Variants in CRACD observed in about 807,000 individuals in gnomAD.
CRACD encodes the protein capping protein inhibiting regulator of actin dynamics.
In CRACD, 56 loss-of-function variants were observed where a neutral mutation model predicts 106.8. The ratio of observed to expected loss-of-function variants is 0.52; its 90% CI spans 0.42 to 0.66. The LOEUF is 0.66. Among genes scored for constraint, CRACD ranks in the 30% least tolerant of loss-of-function variants. The pLI, the probability that CRACD is intolerant of heterozygous loss-of-function variation, is 0.00. For synonymous variants in CRACD, 754 were observed against 670.8 expected (o/e 1.12, Z -1.92); for missense variants, 1,730 against 1,623.2 (o/e 1.07, Z -1.13).
chr4:56,143,807 T>G (rs1230977687), intron 1 of CRACD, among the ~76,000 whole-genome samples: 1 of 152,212 alleles, frequency 6.6e-6, no homozygotes, highest in East Asian at 1.9e-4. Flanking sequence ...ATTTATATTT[T>G]GTGCTGGAAT....
chr4:56,215,018 A>T (rs1020925464), intron 2 of CRACD, among the ~76,000 whole-genome samples: 3 of 150,842 alleles, frequency 2.0e-5, no homozygotes, highest in African/African-American at 7.3e-5. Context: ...AAAACAAACA[A>T]ACAAAAAAAG....
chr4:56,270,149 C>T (rs1224413060), intron 2 of CRACD, among the ~76,000 whole-genome samples: 5 of 152,116 alleles, frequency 3.3e-5, no homozygotes, highest in African/African-American at 4.8e-5. Context: ...ATTCTGTCTG[C>T]GTCCTCAGCA....
intron 3 of CRACD, among the ~76,000 whole-genome samples, chr4:56,279,353 A>T (rs1208930894): frequency 6.6e-6 from 1 of 152,166 alleles, no homozygotes; most frequent in African/African-American, 2.4e-5. Flanking sequence ...CATCGGAGTG[A>T]ACAGGCAACC....
At position 56,316,639 on chromosome 4, in the gene CRACD, C is replaced by T; in HGVS notation, c.3137C>T (p.Pro1046Leu). ...AGGAAACCTGCTTCCCCACCTCTGC[C>T]TGCCACTCAGCAAGAGAAACCTTCT... ...TERKPASPPL[P>L]ATQQEKPSQT... The change falls in exon 8 of 11, where the codon CCT becomes CTT. Residue 1046 changes from proline to leucine, a missense_variant. Physicochemically the swap from Pro to Leu is moderately conservative, Grantham distance 98. Around this residue, in one of 5 missense-constraint regions of CRACD, gnomAD observed 1,620 missense variants for 1,481.6 expected, o/e 1.09. Transcript: ENST00000682029. The T allele has an allele frequency of 6.2e-7, 1 of 1,613,336 alleles. No homozygotes were observed. Among genetic ancestry groups the T allele is most frequent in the Non-Finnish European group, 8.5e-7 (1 of 1,179,914 alleles).
chr4:56,296,920 G>GTT (rs5858372), intron 3 of CRACD, among the ~76,000 whole-genome samples: 1,949 of 131,586 alleles, frequency 0.015, 56 homozygotes, highest in African/African-American at 0.052. Flanking sequence ...TTTTTTGTTT[G>GTT]TTTTTTTTTT....
At chr4:56,142,234 G>A (rs911227570) in intron 1 of CRACD, among the ~76,000 whole-genome samples, 1 of 151,804 alleles carries the variant, frequency 6.6e-6, no homozygotes, top group Admixed American at 6.6e-5. Flanking sequence ...ATATACCATG[G>A]GTGTTCTTTC....
intron 1 of CRACD, among the ~76,000 whole-genome samples, chr4:56,055,488 C>G (rs77770175): frequency 3.9e-5 from 6 of 151,968 alleles, no homozygotes; most frequent in Non-Finnish European, 7.4e-5. Flanking sequence ...TTTATGGTCT[C>G]GGGTGGGGGC....
intron 1 of CRACD, among the ~76,000 whole-genome samples, chr4:56,177,874 A>G (rs1027467877): frequency 9.2e-5 from 14 of 151,692 alleles, no homozygotes; most frequent in African/African-American, 3.2e-4. Context: ...TCTGTCTCTG[A>G]TTTTATTTAT....
chr4:56,240,037 T>C (rs1740271301), intron 2 of CRACD, among the ~76,000 whole-genome samples: 1 of 41,310 alleles, frequency 2.4e-5, no homozygotes, highest in African/African-American at 9.6e-5. Context: ...TTCATTTCAA[T>C]TATTCTTTTT....
intron 10 of CRACD, among the ~76,000 whole-genome samples, chr4:56,324,653 C>T (rs969497937): frequency 6.6e-6 from 1 of 152,228 alleles, no homozygotes; most frequent in African/African-American, 2.4e-5. Context: ...CTCCAGCACC[C>T]TCTGCCTATA....
chr4:56,174,703 T>A (rs1736513790), intron 1 of CRACD, among the ~76,000 whole-genome samples: 1 of 152,244 alleles, frequency 6.6e-6, no homozygotes, highest in Non-Finnish European at 1.5e-5. Flanking sequence ...CTTAGGTTAA[T>A]GCTGTATCTT....
At chr4:56,319,527 C>G (rs145189370) in intron 8 of CRACD, among the ~76,000 whole-genome samples, 4 of 151,832 alleles carry the variant, frequency 2.6e-5, no homozygotes, top group Non-Finnish European at 5.9e-5. Context: ...TTGCTTGAGC[C>G]TAGTAGGTCG....
chr4:56,176,120 T>G (rs1736572537), intron 1 of CRACD, among the ~76,000 whole-genome samples: 1 of 152,214 alleles, frequency 6.6e-6, no homozygotes, highest in Non-Finnish European at 1.5e-5. Flanking sequence ...GGTTGTCTAT[T>G]CTGTTCCATT....
At chr4:56,235,767 T>G (rs1739930340) in intron 2 of CRACD, among the ~76,000 whole-genome samples, 1 of 152,154 alleles carries the variant, frequency 6.6e-6, no homozygotes. Context: ...ATAGAAAATT[T>G]AAAACTTTTA....
intron 1 of CRACD, among the ~76,000 whole-genome samples, chr4:56,172,658 T>G (rs1173017958): frequency 1.1e-4 from 17 of 151,716 alleles, no homozygotes; most frequent in Admixed American, 9.8e-4. Flanking sequence ...AGCATCTTGC[T>G]CTGTCACCAG....
chr4:56,313,098 C>G, intron 6 of CRACD, 99 bp from the exon 7 acceptor site: 1 of 1,062,448 alleles, frequency 9.4e-7, no homozygotes, highest in Non-Finnish European at 1.4e-6. Context: ...CTGGGCCAGG[C>G]TGGGCGAGGC....
chr4:56,315,727 C>A lies in CRACD; in HGVS notation c.2225C>A (p.Ala742Asp), dbSNP rs1419234918. The A allele has an allele frequency of 6.2e-7, 1 of 1,614,210 alleles. No individual in the cohort carries two copies. The highest frequency in any genetic ancestry group is 8.5e-7 in the Non-Finnish European group (1 of 1,180,040). ...GTETSKQSTE[A>D]ESIRKRPMLG... ...GAGACCTCCAAACAGAGCACGGAAG[C>A]TGAAAGCATACGAAAAAGACCCATG... The change falls in exon 8 of 11, where the codon GCT becomes GAT. Residue 742 changes from alanine (A) to aspartate (D), a missense_variant. Coordinates refer to ENST00000682029, the MANE Select transcript of CRACD (RefSeq NM_001393381.1). The surrounding 1 kb of genome is among the most constrained non-coding windows in gnomAD (Gnocchi z 4.1).
rs1159693176 is a variant in CRACD, at chr4:56,328,661, G to T, written c.*857G>T. 1.7e-5 allele frequency: 4 copies of T among 238,076 alleles called. No homozygotes were observed. The highest frequency in any genetic ancestry group is 2.5e-5 in the Non-Finnish European group (3 of 119,330). 14.7% of individuals were successfully genotyped at this position (238,076 alleles called of 1,614,324 possible). A position where few individuals can be genotyped will look rare whatever the true frequency, so the allele number is the denominator to read the frequency against. ...GGCCTACTCAATCAGAGCCTGTGGGGACTGGGCCAGGAATATGTATTCTGG... is the reference window on the plus strand; with the variant it reads ...GGCCTACTCAATCAGAGCCTGTGGGTACTGGGCCAGGAATATGTATTCTGG... On this transcript the variant is annotated 3_prime_UTR_variant, in exon 11 of 11. Transcript: ENST00000682029.
intron 2 of CRACD, among the ~76,000 whole-genome samples, chr4:56,209,252 C>T (rs929725245): frequency 6.6e-5 from 10 of 152,096 alleles, no homozygotes; most frequent in African/African-American, 2.4e-4. Context: ...TATCTACATT[C>T]CTTTTATTCC....
Sources: allele counts gnomAD v4.1 joint callset (sites outside exome capture counted in the v4.1 genomes callset), GRCh38; gene constraint gnomAD v4.1.1; regional missense constraint gnomAD v4.1.1; non-coding constraint Gnocchi (gnomAD v3.1); transcripts MANE v1.5; gene names NCBI Gene and HGNC (gene_info 2026-07-23, HGNC 2026-07-21).